Variants in LRBA observed in about 807,000 individuals in gnomAD.
The protein encoded by LRBA is LPS responsive beige-like anchor protein.
LRBA carries 176 observed loss-of-function variants against 330.0 expected under a neutral mutation model. That is an observed-to-expected ratio of 0.53 (90% CI 0.47 to 0.60). The LOEUF (loss-of-function observed/expected upper bound fraction) is 0.60, where lower values mean the gene tolerates loss of function less well. Among genes scored for constraint, LRBA ranks in the 20% least tolerant of loss-of-function variants. The pLI is 0.00. For missense variants in LRBA, 3,259 were observed against 3,444.8 expected (o/e 0.95, Z 1.35); for synonymous variants, 1,230 against 1,193.0 (o/e 1.03, Z -0.64).
At chr4:150,840,002 T>C (rs967117945) in intron 28 of LRBA, among the ~76,000 whole-genome samples, 5 of 152,232 alleles carry the variant, frequency 3.3e-5, no homozygotes, top group African/African-American at 4.8e-5. Context: ...TTTTCTGTTA[T>C]GGAGACAGCT....
intron 29 of LRBA, among the ~76,000 whole-genome samples, chr4:150,831,200 CTTT>C (rs77038090): frequency 1.4e-5 from 2 of 138,356 alleles, no homozygotes; most frequent in African/African-American, 2.6e-5. Context: ...TTATTACTTT[CTTT>C]TTTTTTTTTT....
At chr4:150,651,673 G>C (rs1367457971) in intron 37 of LRBA, among the ~76,000 whole-genome samples, 5 of 151,758 alleles carry the variant, frequency 3.3e-5, no homozygotes, top group Admixed American at 3.3e-4. Flanking sequence ...TGAAATAAAT[G>C]AATGAATAAA....
At chr4:150,547,075 T>C (rs1765941893) in intron 40 of LRBA, among the ~76,000 whole-genome samples, 1 of 152,044 alleles carries the variant, frequency 6.6e-6, no homozygotes, top group African/African-American at 2.4e-5. Context: ...AAATGAAAAA[T>C]TTATAAAATT....
At chr4:150,818,532 C>CTGTGTGTATG (rs1553968533) in intron 30 of LRBA, among the ~76,000 whole-genome samples, 3 of 145,802 alleles carry the variant, frequency 2.1e-5, no homozygotes, top group Non-Finnish European at 4.5e-5. Context: ...TGACGAATGT[C>CTGTGTGTATG]TGTGTGTGTG....
At chr4:150,625,728 G>T (rs1416197422) in intron 37 of LRBA, among the ~76,000 whole-genome samples, 2 of 143,642 alleles carry the variant, frequency 1.4e-5, no homozygotes, top group Admixed American at 7.0e-5. Context: ...TTTTTTTTTT[G>T]AGACAGTTTC....
At chr4:150,866,538 T>C (rs1279037148) in intron 22 of LRBA, among the ~76,000 whole-genome samples, 1 of 152,246 alleles carries the variant, frequency 6.6e-6, no homozygotes, top group Non-Finnish European at 1.5e-5. Flanking sequence ...GCTGGTGATA[T>C]GTAAACTGAT....
intron 37 of LRBA, among the ~76,000 whole-genome samples, chr4:150,640,625 T>C (rs981165386): frequency 6.6e-6 from 1 of 152,206 alleles, no homozygotes; most frequent in Non-Finnish European, 1.5e-5. Context: ...TACATTATGC[T>C]ACCTCCTAAA....
Position 150,817,166 on chromosome 4 carries a change from C to T in LRBA, c.5263G>A (p.Val1755Ile), listed in dbSNP as rs1351227859. 3 of 1,612,234 alleles carry T rather than the reference C, an allele frequency of 1.9e-6. No homozygotes were observed. The highest frequency in any genetic ancestry group is 2.5e-6 in the Non-Finnish European group (3 of 1,178,678). The change falls in exon 31 of 57, where the codon GTA (valine) becomes ATA (isoleucine). Residue 1755 changes from valine to isoleucine, a missense_variant. Transcript: ENST00000651943. ...ATATCTGAGGCTTGGGCTGAATCTA[C>T]TGAGGAAACCACACTGACAGCATTG... ...PTNAVSVVSS[V>I]DSAQASDMGG...
intron 42 of LRBA, among the ~76,000 whole-genome samples, chr4:150,485,289 T>C (rs1461137164): frequency 5.3e-5 from 8 of 151,934 alleles, no homozygotes; most frequent in Admixed American, 5.3e-4. Context: ...TATTTTTAGA[T>C]GTATGTAAAT....
intron 16 of LRBA, among the ~76,000 whole-genome samples, chr4:150,895,898 C>T (rs1301952558): frequency 6.6e-6 from 1 of 152,154 alleles, no homozygotes; most frequent in Non-Finnish European, 1.5e-5. Flanking sequence ...ACAGTCCCAC[C>T]AACAGTGTAA....
intron 40 of LRBA, among the ~76,000 whole-genome samples, chr4:150,553,726 G>A (rs1766923820): frequency 6.6e-6 from 1 of 152,186 alleles, no homozygotes; most frequent in African/African-American, 2.4e-5. Flanking sequence ...ACCAGATTGT[G>A]TCAACCTAAA....
At chr4:150,990,542 A>C (rs959350050) in intron 2 of LRBA, among the ~76,000 whole-genome samples, 42 of 151,476 alleles carry the variant, frequency 2.8e-4, no homozygotes, top group African/African-American at 9.9e-4. Context: ...AGCCTAGGCA[A>C]GACAACAAAA....
intron 47 of LRBA, among the ~76,000 whole-genome samples, chr4:150,367,437 A>C (rs1402964352): frequency 6.6e-6 from 1 of 152,224 alleles, no homozygotes; most frequent in Non-Finnish European, 1.5e-5. Context: ...GACTTGGGGC[A>C]TTACTGCCTG....
chr4:150,498,671 AAT>A (rs1759875824), intron 40 of LRBA, among the ~76,000 whole-genome samples: 1 of 152,200 alleles, frequency 6.6e-6, no homozygotes, highest in African/African-American at 2.4e-5. Context: ...TCTAAATTAA[AAT>A]AGATATTTAG....
chr4:150,661,469 CAAAAAAAA>C (rs563120801), intron 37 of LRBA, among the ~76,000 whole-genome samples: 1 of 64,972 alleles, frequency 1.5e-5, no homozygotes, highest in African/African-American at 5.0e-5. Flanking sequence ...GACTCTGTCT[CAAAAAAAA>C]AAAAAAAAAA....
chr4:150,828,608 T>G lies in LRBA; in HGVS notation c.4743A>C (p.Ala1581=). The change falls in exon 30 of 57, where the codon GCA becomes GCC. Residue 1581 remains alanine (A), a synonymous_variant. Coordinates refer to ENST00000651943, the MANE Select transcript of LRBA (RefSeq NM_001364905.1). ...ENVSLSEITP[A]AFSTLTTASV... is the part of the protein sequence containing the mutation. ...ATGCCGTAGTTAAAGTGCTGAATGC[T>G]GCTGGTGTGATTTCTATATCATACC... 6.2e-7 allele frequency: 1 copy of G among 1,613,430 alleles called. No homozygotes were observed. Among genetic ancestry groups the G allele is most frequent in the Non-Finnish European group, 8.5e-7 (1 of 1,179,672 alleles).
At position 150,900,153 on chromosome 4, in the gene LRBA, G is replaced by T. The variant is rs756510306; in HGVS notation, c.1820C>A (p.Thr607Asn). Residue 607 changes from threonine (T) to asparagine (N), a missense_variant, in exon 14 of 57, where the codon ACC (threonine) becomes AAC (asparagine). Thr to Asn is a moderately conservative substitution (Grantham distance 65, BLOSUM62 0). Coordinates refer to ENST00000651943, the MANE Select transcript of LRBA (RefSeq NM_001364905.1). ...AAGCACTGTTCCAACTCTCCGAATGGTGTTATATATGTTGACTGTACCAAT... is the reference window on the plus strand; with the variant it reads ...AAGCACTGTTCCAACTCTCCGAATGTTGTTATATATGTTGACTGTACCAAT... ...EFIGTVNIYN[T>N]IRRVGTVLLI... is the part of the protein sequence containing the mutation. 3.1e-6 allele frequency: 5 copies of T among 1,612,520 alleles called. No individual in the cohort carries two copies. In the South Asian group the frequency reaches 3.3e-5, roughly 11 times the overall value.
At chr4:150,384,204 A>T (rs565485398) in intron 47 of LRBA, among the ~76,000 whole-genome samples, 53 of 151,548 alleles carry the variant, frequency 3.5e-4, no homozygotes, top group African/African-American at 1.3e-3. Flanking sequence ...ATGCCCGGCA[A>T]ATTTTGTATT....
Position 150,282,513 on chromosome 4 carries a change from GA to G in LRBA, c.8252del (p.Leu2751ProfsTer7). On this transcript the variant is annotated frameshift_variant, in exon 55 of 57. Transcript: ENST00000651943. LOFTEE classifies it high-confidence loss of function. Reference protein sequence around the residue: ...GHCVIFYENGLFCTFSVNGKL... With the variant: ...GHCVIFYENGXFCTFSVNGKL... ...TTCCATTCACACTGAATGTACAGAA[GA>G]GGCCGTTTTCATAGAATATGACACA... is the stretch of plus-strand genomic sequence containing the variant. 1 of 1,614,148 alleles carries G rather than the reference GA, an allele frequency of 6.2e-7. No individual in the cohort carries two copies. Among genetic ancestry groups the G allele is most frequent in the Non-Finnish European group, 8.5e-7 (1 of 1,180,014 alleles).
Sources: allele counts gnomAD v4.1 joint callset (sites outside exome capture counted in the v4.1 genomes callset), GRCh38; gene constraint gnomAD v4.1.1; transcripts MANE v1.5; gene names NCBI Gene and HGNC (gene_info 2026-07-23, HGNC 2026-07-21).